The following LYPLAL1 variants were observed in gnomAD, a reference collection of about 807,000 sequenced individuals.
LYPLAL1 encodes lysophospholipase-like protein 1.
In LYPLAL1, 23 loss-of-function variants were observed where a neutral mutation model predicts 19.7. The ratio of observed to expected loss-of-function variants is 1.17; its 90% CI spans 0.84 to 1.65. LYPLAL1 has a LOEUF of 1.65. LYPLAL1 is among the 40% of genes most tolerant of loss of function. The pLI is 0.00. For synonymous variants in LYPLAL1, 119 were observed against 96.3 expected (o/e 1.24, Z -1.38); for missense variants, 355 against 279.4 (o/e 1.27, Z -1.93).
chr1:219,283,341 C>A, the LYPLAL1 span, among the ~76,000 whole-genome samples: 2 of 152,070 alleles, frequency 1.3e-5, no homozygotes, highest in Non-Finnish European at 2.9e-5. Flanking sequence ...GGCAAAGAAA[C>A]AAATCTTCAT....
At chr1:219,265,718 C>T in the LYPLAL1 span, among the ~76,000 whole-genome samples, 1 of 152,064 alleles carries the variant, frequency 6.6e-6, no homozygotes, top group Non-Finnish European at 1.5e-5. Context: ...TTTCACAAAC[C>T]TAGGTGGTAC....
At chr1:219,343,363 G>A in the LYPLAL1 span, among the ~76,000 whole-genome samples, 4 of 152,144 alleles carry the variant, frequency 2.6e-5, no homozygotes, top group Non-Finnish European at 5.9e-5. Context: ...AGATGAGAAT[G>A]AAATGGATCC....
At chr1:219,329,863 C>T in the LYPLAL1 span, among the ~76,000 whole-genome samples, 1 of 152,198 alleles carries the variant, frequency 6.6e-6, no homozygotes, top group South Asian at 2.1e-4. Flanking sequence ...AGTAGGATAA[C>T]TGTCTCCCTC....
At chr1:219,414,642 TCGTGG>T in the LYPLAL1 span, among the ~76,000 whole-genome samples, 2 of 152,220 alleles carry the variant, frequency 1.3e-5, no homozygotes, top group Non-Finnish European at 2.9e-5. Flanking sequence ...CGCTTTTATT[TCGTGG>T]TTTTAATACA....
At chr1:219,226,592 A>G in the LYPLAL1 span, among the ~76,000 whole-genome samples, 1 of 81,492 alleles carries the variant, frequency 1.2e-5, no homozygotes, top group East Asian at 3.7e-4. Flanking sequence ...TAACACATAG[A>G]AAAAAAAAAA....
chr1:219,213,088 G>T (rs1659158964), downstream of LYPLAL1, among the ~76,000 whole-genome samples: 2 of 152,024 alleles, frequency 1.3e-5, no homozygotes, highest in Non-Finnish European at 2.9e-5. Context: ...GTATATGGTA[G>T]TAATATATTG....
At chr1:219,237,379 C>T in the LYPLAL1 span, among the ~76,000 whole-genome samples, 1 of 152,182 alleles carries the variant, frequency 6.6e-6, no homozygotes, top group African/African-American at 2.4e-5. Context: ...AACAAAGACT[C>T]AGACTCTGTG....
At chr1:219,317,066 A>G in the LYPLAL1 span, among the ~76,000 whole-genome samples, 458 of 152,336 alleles carry the variant, frequency 3.0e-3, 3 homozygotes, top group African/African-American at 0.011. Flanking sequence ...GTATTTTACC[A>G]TAATTTAAAA....
At chr1:219,394,533 C>T in the LYPLAL1 span, among the ~76,000 whole-genome samples, 1 of 152,204 alleles carries the variant, frequency 6.6e-6, no homozygotes, top group Non-Finnish European at 1.5e-5. Context: ...TACTTTCTGT[C>T]TCTGTGAATT....
the LYPLAL1 span, among the ~76,000 whole-genome samples, chr1:219,304,456 G>A: frequency 1.3e-5 from 2 of 152,122 alleles, no homozygotes; most frequent in Non-Finnish European, 2.9e-5. Flanking sequence ...TGTAAGATCT[G>A]GTATGTCATC....
At chr1:219,264,730 T>G in the LYPLAL1 span, among the ~76,000 whole-genome samples, 1 of 152,216 alleles carries the variant, frequency 6.6e-6, no homozygotes, top group African/African-American at 2.4e-5. Context: ...TCCCACTGTT[T>G]TCCTTTGCAT....
chr1:219,408,003 C>T, the LYPLAL1 span, among the ~76,000 whole-genome samples: 1 of 152,166 alleles, frequency 6.6e-6, no homozygotes, highest in African/African-American at 2.4e-5. Flanking sequence ...AAGGCCTCAC[C>T]TCCCAATGCG....
the LYPLAL1 span, among the ~76,000 whole-genome samples, chr1:219,348,378 T>C: frequency 6.6e-6 from 1 of 152,172 alleles, no homozygotes; most frequent in Non-Finnish European, 1.5e-5. Context: ...TGGGGTCAAT[T>C]CGTGTGGGTC....
At chr1:219,295,326 A>G in the LYPLAL1 span, among the ~76,000 whole-genome samples, 1 of 152,204 alleles carries the variant, frequency 6.6e-6, no homozygotes, top group South Asian at 2.1e-4. Context: ...AAGAGATTGT[A>G]TCATTTTCAT....
the LYPLAL1 span, among the ~76,000 whole-genome samples, chr1:219,319,192 T>C: frequency 6.6e-6 from 1 of 152,180 alleles, no homozygotes; most frequent in Non-Finnish European, 1.5e-5. Context: ...AGATGGTAGT[T>C]AAGCTCAGAG....
At chr1:219,226,976 A>C in the LYPLAL1 span, among the ~76,000 whole-genome samples, 1 of 152,354 alleles carries the variant, frequency 6.6e-6, no homozygotes, top group Non-Finnish European at 1.5e-5. Flanking sequence ...GCAAGTAGAA[A>C]GTACCAACGT....
At chr1:219,237,484 A>T in the LYPLAL1 span, among the ~76,000 whole-genome samples, 8 of 152,202 alleles carry the variant, frequency 5.3e-5, no homozygotes, top group Non-Finnish European at 8.8e-5. Context: ...GTTTCATCAG[A>T]TAGGTGGTAT....
chr1:219,414,545 A>T, the LYPLAL1 span, among the ~76,000 whole-genome samples: 2 of 152,214 alleles, frequency 1.3e-5, no homozygotes, highest in Admixed American at 1.3e-4. Flanking sequence ...AAAGTGATCA[A>T]TAAGTCAGCT....
chr1:219,193,048 T>C, intron 2 of LYPLAL1, 34 bp from the exon 3 acceptor site: 1 of 1,242,394 alleles, frequency 8.0e-7, no homozygotes, highest in Non-Finnish European at 1.1e-6. Context: ...CCTTTTCCTT[T>C]CTTTTTTTTT....
Sources: gnomAD v4.1 joint callset for allele counts (sites outside exome capture counted in the v4.1 genomes callset) on GRCh38, gnomAD v4.1.1 for gene constraint, MANE v1.5 for transcripts, NCBI Gene and HGNC (gene_info 2026-07-23, HGNC 2026-07-21) for gene names.